ABTB3: variants seen among roughly 807,000 people sequenced by gnomAD.
ABTB3 encodes ankyrin repeat- and BTB/POZ domain-containing protein 3.
chr12:107,488,105 C>T, the ABTB3 span, among the ~76,000 whole-genome samples: 1 of 152,006 alleles, frequency 6.6e-6, no homozygotes, highest in East Asian at 1.9e-4. Context: ...TGTGATGGTA[C>T]AGCTAGAAAC....
At chr12:107,629,858 A>G in the ABTB3 span, among the ~76,000 whole-genome samples, 1 of 152,298 alleles carries the variant, frequency 6.6e-6, no homozygotes, top group African/African-American at 2.4e-5. Flanking sequence ...GTTTTGATCC[A>G]GGACTTACCA....
chr12:107,351,719 C>A, the ABTB3 span, among the ~76,000 whole-genome samples: 1 of 152,150 alleles, frequency 6.6e-6, no homozygotes, highest in African/African-American at 2.4e-5. Flanking sequence ...TGATCTTGGA[C>A]TTCCCAGCCT....
the ABTB3 span, among the ~76,000 whole-genome samples, chr12:107,548,629 T>G: frequency 4.6e-5 from 7 of 152,236 alleles, no homozygotes; most frequent in African/African-American, 1.4e-4. Context: ...CTAAAATCAT[T>G]CAGTTACCTC....
the ABTB3 span, among the ~76,000 whole-genome samples, chr12:107,508,456 T>TTTTTTTTTTG: frequency 8.1e-6 from 1 of 123,054 alleles, no homozygotes; most frequent in Non-Finnish European, 1.7e-5. Context: ...TTTTTTTTTT[T>TTTTTTTTTTG]TTTTTTTTTT....
chr12:107,646,823 T>C, the ABTB3 span, among the ~76,000 whole-genome samples: 2 of 152,028 alleles, frequency 1.3e-5, no homozygotes, highest in Non-Finnish European at 2.9e-5. Flanking sequence ...TGATGCACGA[T>C]TGCCTGATGT....
At chr12:107,510,914 A>G in the ABTB3 span, among the ~76,000 whole-genome samples, 1 of 151,934 alleles carries the variant, frequency 6.6e-6, no homozygotes, top group African/African-American at 2.4e-5. Context: ...AGAGCCAAAT[A>G]CTGTCTCCAA....
chr12:107,528,944 T>A, the ABTB3 span, among the ~76,000 whole-genome samples: 1 of 151,344 alleles, frequency 6.6e-6, no homozygotes, highest in South Asian at 2.1e-4. Context: ...ATGGAGATGA[T>A]GATGGTAGTG....
At chr12:107,618,458 C>A in the ABTB3 span, 4 of 1,212,182 alleles carry the variant, frequency 3.3e-6, no homozygotes, top group Non-Finnish European at 4.6e-6. Flanking sequence ...CGCACATGCG[C>A]GCACACATAC....
chr12:107,522,741 G>GGGAA, the ABTB3 span, among the ~76,000 whole-genome samples: 22,824 of 144,664 alleles, frequency 0.16, 2,300 homozygotes, highest in Admixed American at 0.24. Context: ...GAGGGAAGGA[G>GGGAA]GGAAGGAAGG....
chr12:107,407,698 A>G, the ABTB3 span, among the ~76,000 whole-genome samples: 1 of 152,338 alleles, frequency 6.6e-6, no homozygotes, highest in East Asian at 1.9e-4. Context: ...TCATATGGCA[A>G]GAGGCATGAG....
the ABTB3 span, among the ~76,000 whole-genome samples, chr12:107,590,084 AT>A: frequency 7.3e-5 from 11 of 150,936 alleles, no homozygotes; most frequent in South Asian, 2.1e-4. Flanking sequence ...TAATTCTTGT[AT>A]TTTTTTTTAG....
chr12:107,335,539 T>C, the ABTB3 span, among the ~76,000 whole-genome samples: 1 of 152,184 alleles, frequency 6.6e-6, no homozygotes, highest in East Asian at 1.9e-4. Flanking sequence ...TACACACACA[T>C]CAGCAGAGTT....
At chr12:107,344,388 G>C in the ABTB3 span, among the ~76,000 whole-genome samples, 1 of 152,138 alleles carries the variant, frequency 6.6e-6, no homozygotes, top group Admixed American at 6.5e-5. Context: ...GAAATTGGTT[G>C]GGTTGCCAAC....
chr12:107,502,836 C>T, the ABTB3 span, among the ~76,000 whole-genome samples: 25 of 152,266 alleles, frequency 1.6e-4, no homozygotes, highest in South Asian at 4.2e-4. Context: ...CAGTTTCATC[C>T]TAAAACCATC....
At chr12:107,411,499 G>A in the ABTB3 span, among the ~76,000 whole-genome samples, 128 of 152,352 alleles carry the variant, frequency 8.4e-4, 2 homozygotes, top group East Asian at 1.2e-3. Context: ...AACATTGCCA[G>A]AATTAATGTG....
the ABTB3 span, among the ~76,000 whole-genome samples, chr12:107,492,453 C>T: frequency 1.3e-5 from 2 of 152,158 alleles, no homozygotes; most frequent in Non-Finnish European, 2.9e-5. Flanking sequence ...GAGAAGATAG[C>T]AGGATGTGCA....
At chr12:107,321,603 C>CCACA in the ABTB3 span, among the ~76,000 whole-genome samples, 110 of 85,460 alleles carry the variant, frequency 1.3e-3, 1 homozygote, top group African/African-American at 4.1e-3. Flanking sequence ...ATCTTCGAGG[C>CCACA]CACACACACA....
the ABTB3 span, among the ~76,000 whole-genome samples, chr12:107,408,009 G>A: frequency 3.3e-5 from 5 of 151,960 alleles, no homozygotes; most frequent in South Asian, 2.1e-4. Flanking sequence ...CAAACCTGTC[G>A]TTGCAACGAA....
At chr12:107,594,459 A>G in the ABTB3 span, among the ~76,000 whole-genome samples, 1 of 152,190 alleles carries the variant, frequency 6.6e-6, no homozygotes, top group African/African-American at 2.4e-5. Flanking sequence ...GCAAGTGGGC[A>G]TGATTTTTGG....
Sources: allele counts gnomAD v4.1 joint callset (sites outside exome capture counted in the v4.1 genomes callset), GRCh38; gene constraint gnomAD v4.1.1; transcripts MANE v1.5; gene names NCBI Gene and HGNC (gene_info 2026-07-23, HGNC 2026-07-21).